The following P2RX4 variants were observed in gnomAD, a reference collection of about 807,000 sequenced individuals.
P2RX4 encodes the protein P2X purinoceptor 4.
In P2RX4, 37 loss-of-function variants were observed where a neutral mutation model predicts 48.0. The ratio of observed to expected loss-of-function variants is 0.77; its 90% CI spans 0.59 to 1.01. The LOEUF (loss-of-function observed/expected upper bound fraction) is 1.01, where lower values mean the gene tolerates loss of function less well. Among genes scored for constraint, P2RX4 ranks in the 50% least tolerant of loss-of-function variants. The pLI, the probability that P2RX4 is intolerant of heterozygous loss-of-function variation, is 0.00. For missense variants in P2RX4, 501 were observed against 521.4 expected (o/e 0.96, Z 0.38); for synonymous variants, 200 against 199.7 (o/e 1.00, Z -0.01).
Position 121,232,706 on chromosome 12 carries a change from C to T in P2RX4, c.1044+30C>T, listed in dbSNP as rs985757188. 3.8e-6 allele frequency: 6 copies of T among 1,563,776 alleles called. No homozygotes were observed. In the African/African-American group the frequency reaches 8.1e-5, roughly 21 times the overall value. ...GTGGTTTAGGCCCTGCCTTCACCCT[C>T]ACGGTGAGGTGAGACCCTGGGCTGG... On this transcript the variant is annotated intron_variant, in intron 10 of 11. Coordinates refer to ENST00000337233, the MANE Select transcript of P2RX4 (RefSeq NM_002560.3). The surrounding 1 kb of genome is among the most constrained non-coding windows in gnomAD (Gnocchi z 4.3).
Position 121,222,171 on chromosome 12 carries a change from G to C in P2RX4, c.427+5G>C, listed in dbSNP as rs2288690. On this transcript the variant is annotated splice_donor_5th_base_variant and intron_variant, in intron 4 of 11. Transcript: ENST00000337233. ...CTGCCGGCACCCACAGCAACGGTAC[G>C]AGCTTGTGGCCTCCTGGGGAGGGCG... is the stretch of plus-strand genomic sequence containing the variant. 7.6e-4 allele frequency: 1,229 copies of C among 1,606,946 alleles called. 2 individuals are homozygous for C. The East Asian group carries it at 8.2e-3, about 11-fold the overall frequency.
At chr12:121,222,012 G>GCCCCACA (rs757146404) in intron 3 of P2RX4, 28 bp downstream of exon 3, 93 of 1,607,314 alleles carry the variant, frequency 5.8e-5, no homozygotes, top group Non-Finnish European at 7.6e-5. Flanking sequence ...AGAGCCCCAG[G>GCCCCACA]CCCCACACCC....
chr12:121,228,659 CT>C, intron 6 of P2RX4, 46 bp downstream of exon 6: 1 of 1,612,452 alleles, frequency 6.2e-7, no homozygotes, highest in East Asian at 2.2e-5. Context: ...CTTGGAGAAA[CT>C]TCTGGCTCTT....
chr12:121,216,236 T>C (rs895151549), intron 1 of P2RX4: 1 of 152,286 alleles, frequency 6.6e-6, no homozygotes, highest in African/African-American at 2.4e-5. Flanking sequence ...GAGTAGAGCA[T>C]AGTGGGTGAG....
Position 121,232,586 on chromosome 12 carries a change from T to C in P2RX4, c.979-25T>C, listed in dbSNP as rs765517195. The C allele has an allele frequency of 9.9e-6, 16 of 1,613,076 alleles. No individual in the cohort carries two copies. The African/African-American group carries it at 2.1e-4, about 22-fold the overall frequency. Reference sequence around the variant, plus strand: ...TCTCCCTGCCCCTGCAGAAACACTTTTTTTCTTTTTCGGTGTCTTGGCAGG... The same window carrying C: ...TCTCCCTGCCCCTGCAGAAACACTTCTTTTCTTTTTCGGTGTCTTGGCAGG... On this transcript the variant is annotated intron_variant, in intron 9 of 11. Transcript: ENST00000337233. The surrounding 1 kb of genome is among the most constrained non-coding windows in gnomAD (Gnocchi z 4.3).
chr12:121,229,941 C>T lies in P2RX4; in HGVS notation c.884+842C>T, dbSNP rs1207035154. On this transcript the variant is annotated intron_variant, in intron 8 of 11. Coordinates refer to ENST00000337233, the MANE Select transcript of P2RX4 (RefSeq NM_002560.3). This position sits in a 1 kb window ranked among gnomAD's most constrained non-coding sequence, Gnocchi z 4.6. ...ATGACCTCATCTTAACAAATTACGT[C>T]TGCCAATATCCCATTTCCAAATAAG... Among the ~76,000 whole-genome samples, 1 of 152,202 alleles carries T rather than the reference C, an allele frequency of 6.6e-6. No individual in the cohort carries two copies. The highest frequency in any genetic ancestry group is 6.5e-5 in the Admixed American group (1 of 15,280).
rs752335453 is a variant in P2RX4 at position 121,217,279 on chromosome 12, C to T, written c.280C>T (p.Gln94Ter). 4 of 1,613,948 alleles carry T rather than the reference C, an allele frequency of 2.5e-6. No individual in the cohort carries two copies. Among genetic ancestry groups the T allele is most frequent in the Non-Finnish European group, 3.4e-6 (4 of 1,179,990 alleles). ...WDVADYVIPAQEENSLFVMTN... is the reference protein window; with the variant it reads ...WDVADYVIPA ...TGTGGCGGATTATGTGATACCAGCT[C>T]AGGTGTGTCTCCCACTGTGTCTTCT... The change falls in exon 2 of 12, where the codon CAG becomes TAG. Residue 94 changes from glutamine (Q) to a stop codon, truncating the protein, a stop_gained and splice_region_variant. Coordinates refer to ENST00000337233, the MANE Select transcript of P2RX4 (RefSeq NM_002560.3). LOFTEE classifies it high-confidence loss of function.
intron 1 of P2RX4, among the ~76,000 whole-genome samples, chr12:121,210,802 C>T (rs1429471624): frequency 6.6e-6 from 1 of 152,174 alleles, no homozygotes; most frequent in Non-Finnish European, 1.5e-5. Flanking sequence ...AAAGGCAAAG[C>T]CTGGCTAGGC....
chr12:121,232,806 GC>G lies in P2RX4; in HGVS notation c.1044+135del. ...TGACCCTCCTACCTTCTTTCCCTTG[GC>G]CCCCAGCCCTCCTCCCACCTTCCCT... On this transcript the variant is annotated intron_variant, in intron 10 of 11. Transcript: ENST00000337233. This position sits in a 1 kb window ranked among gnomAD's most constrained non-coding sequence, Gnocchi z 4.3. The G allele has an allele frequency of 1.1e-6, 1 of 918,648 alleles. No homozygotes were observed. The highest frequency in any genetic ancestry group is 1.8e-6 in the Non-Finnish European group (1 of 561,856). The allele number at this position is 918,648 out of a possible 1,614,324, so 56.9% of individuals were successfully genotyped here. A position where few individuals can be genotyped will look rare whatever the true frequency, so the allele number is the denominator to read the frequency against.
chr12:121,228,646 G>T, intron 6 of P2RX4, 33 bp downstream of exon 6: 1 of 1,611,774 alleles, frequency 6.2e-7, no homozygotes, highest in African/African-American at 1.3e-5. Flanking sequence ...AGTTCACCAG[G>T]GTCTTGGAGA....
chr12:121,212,993 C>G (rs913450116), intron 1 of P2RX4: 1 of 151,036 alleles, frequency 6.6e-6, no homozygotes, highest in Non-Finnish European at 1.5e-5. Context: ...TGTAAAATTA[C>G]AACTGCGGAA....
At chr12:121,216,730 G>A (rs1198179170) in intron 1 of P2RX4, 2 of 474,226 alleles carry the variant, frequency 4.2e-6, no homozygotes, top group African/African-American at 4.0e-5. Context: ...TGAGGCAGGA[G>A]AATTGCCTGA....
rs556424610 is a variant in P2RX4 at position 121,227,165 on chromosome 12, T to C, written c.525-1368T>C. ...GGTCCCAGCCTTTCTCTGACAGCAG[T>C]GGTGACAGGCTCAGCTCTCCTCCGA... On this transcript the variant is annotated intron_variant, in intron 5 of 11. Transcript: ENST00000337233. Among the ~76,000 whole-genome samples the C allele has an allele frequency of 2.0e-5, 3 of 151,260 alleles. No individual in the cohort carries two copies. The South Asian group carries it at 6.3e-4, about 32-fold the overall frequency.
chr12:121,221,821 G>A, intron 2 of P2RX4, 92 bp from the exon 3 acceptor site: 1 of 1,050,012 alleles, frequency 9.5e-7, no homozygotes, highest in Non-Finnish European at 1.5e-6. Context: ...CGCGGTCAGT[G>A]TTTGAGTTGT....
chr12:121,219,267 G>T (rs1886422783), intron 2 of P2RX4, among the ~76,000 whole-genome samples: 2 of 152,142 alleles, frequency 1.3e-5, no homozygotes, highest in African/African-American at 4.8e-5. Context: ...CTAGGCCTTT[G>T]GAGGACGCCA....
At position 121,222,715 on chromosome 12, in the gene P2RX4, T is replaced by C. The variant is rs758671603; in HGVS notation, c.428-232T>C. The C allele has an allele frequency of 7.5e-6, 11 of 1,469,538 alleles. 1 individual carries two copies. The South Asian group carries it at 1.3e-4, about 18-fold the overall frequency. The allele number at this position is 1,469,538 out of a possible 1,614,324, so 91.0% of individuals were successfully genotyped here. A position where few individuals can be genotyped will look rare whatever the true frequency, so the allele number is the denominator to read the frequency against. On this transcript the variant is annotated intron_variant, in intron 4 of 11. Coordinates refer to ENST00000337233, the MANE Select transcript of P2RX4 (RefSeq NM_002560.3). ...GCATGACCCACTGTGCCTGGCCTCT[T>C]GTCCCATTCTTTAGCTTGGCATCAC...
At chr12:121,233,214 C>T in intron 11 of P2RX4, 122 bp downstream of exon 11, 1 of 713,178 alleles carries the variant, frequency 1.4e-6, no homozygotes, top group Non-Finnish European at 2.4e-6. Flanking sequence ...GCGTGGTGTC[C>T]CCGTTAACCC....
chr12:121,233,936 T>C lies in P2RX4; in HGVS notation c.*387T>C, dbSNP rs1363727462. The C allele has an allele frequency of 1.5e-5, 4 of 261,786 alleles. No individual in the cohort carries two copies. In the East Asian group the frequency reaches 3.4e-4, roughly 22 times the overall value. The allele number at this position is 261,786 out of a possible 1,614,324, so 16.2% of individuals were successfully genotyped here. ...GCACGGCGGCTCTGTTCAAGCACTT[T>C]ATGCGGCAGGGGAGGCCGCCTGGCT... On this transcript the variant is annotated 3_prime_UTR_variant, in exon 12 of 12. Transcript: ENST00000337233.
Position 121,232,918 on chromosome 12 carries a change from A to G in P2RX4, c.1045-79A>G, listed in dbSNP as rs1192314731. The stretch of plus-strand genomic sequence containing the variant: ...TTCCGGTAAAGATTCCAGGCTTCTC[A>G]GGAAGGGGCACGCAAAGAATAAGAT... On this transcript the variant is annotated intron_variant, in intron 10 of 11. Coordinates refer to ENST00000337233, the MANE Select transcript of P2RX4 (RefSeq NM_002560.3). This position sits in a 1 kb window ranked among gnomAD's most constrained non-coding sequence, Gnocchi z 4.3. 1 of 1,034,846 alleles carries G rather than the reference A, an allele frequency of 9.7e-7. No individual in the cohort carries two copies. Among genetic ancestry groups the G allele is most frequent in the Non-Finnish European group, 1.5e-6 (1 of 654,744 alleles). 64.1% of individuals were successfully genotyped at this position (1,034,846 alleles called of 1,614,324 possible). A position where few individuals can be genotyped will look rare whatever the true frequency, so the allele number is the denominator to read the frequency against.
Sources: allele counts gnomAD v4.1 joint callset (sites outside exome capture counted in the v4.1 genomes callset), GRCh38; gene constraint gnomAD v4.1.1; non-coding constraint Gnocchi (gnomAD v3.1); transcripts MANE v1.5; gene names NCBI Gene and HGNC (gene_info 2026-07-23, HGNC 2026-07-21).